Variants in NRXN1 observed in about 807,000 individuals in gnomAD.
NRXN1 encodes the protein neurexin-1.
NRXN1 carries 39 observed loss-of-function variants against 150.9 expected under a neutral mutation model. The ratio of observed to expected loss-of-function variants is 0.26; its 90% CI spans 0.20 to 0.34. The LOEUF is 0.34. NRXN1 is among the 10% of genes least tolerant of loss of function. The probability of loss-of-function intolerance (pLI) is 1.00; values close to 1 mark genes in which losing one functional copy is unlikely to be tolerated. For missense variants in NRXN1, 1,815 were observed against 1,949.9 expected (o/e 0.93, Z 1.30); for synonymous variants, 924 against 757.0 (o/e 1.22, Z -3.62).
chr2:50,550,519 C>T (rs1342016890), intron 9 of NRXN1, among the ~76,000 whole-genome samples: 2 of 151,444 alleles, frequency 1.3e-5, no homozygotes, highest in Non-Finnish European at 2.9e-5. Flanking sequence ...CCCATGCCCA[C>T]GCCACTTCAA....
Position 49,921,662 on chromosome 2 carries a change from C to T in NRXN1, c.*282G>A, listed in dbSNP as rs1668219746. Reference sequence around the variant, plus strand: ...TATGAATGCGTGCGGTCATCACTGTCTTTTAGAAATGTTCCAGCAACATAA... The same window carrying T: ...TATGAATGCGTGCGGTCATCACTGTTTTTTAGAAATGTTCCAGCAACATAA... On this transcript the variant is annotated 3_prime_UTR_variant, in exon 23 of 23. Transcript: ENST00000401669. 3 of 421,136 alleles carry T rather than the reference C, an allele frequency of 7.1e-6. No homozygotes were observed. The highest frequency in any genetic ancestry group is 1.3e-5 in the Non-Finnish European group (3 of 232,964). The allele number at this position is 421,136 out of a possible 1,614,324, so 26.1% of individuals were successfully genotyped here. A position where few individuals can be genotyped will look rare whatever the true frequency, so the allele number is the denominator to read the frequency against.
chr2:50,191,464 T>C (rs2061438544), intron 18 of NRXN1, among the ~76,000 whole-genome samples: 1 of 152,150 alleles, frequency 6.6e-6, no homozygotes, highest in Admixed American at 6.6e-5. Flanking sequence ...GTTTGTATAG[T>C]TATAGGTAGT....
intron 18 of NRXN1, among the ~76,000 whole-genome samples, chr2:50,206,040 G>C (rs1478714501): frequency 1.3e-5 from 2 of 151,948 alleles, no homozygotes; most frequent in Non-Finnish European, 2.9e-5. Context: ...TCATTAAATT[G>C]TACACATTGA....
chr2:50,465,738 T>A (rs2088765970), intron 16 of NRXN1, among the ~76,000 whole-genome samples, 177 bp from the exon 17 acceptor site: 1 of 151,912 alleles, frequency 6.6e-6, no homozygotes, highest in Non-Finnish European at 1.5e-5. Flanking sequence ...ATGAAGGTTT[T>A]CTTAAGTTTC....
intron 10 of NRXN1, among the ~76,000 whole-genome samples, chr2:50,531,728 T>A (rs1371465916): frequency 2.0e-5 from 3 of 152,140 alleles, no homozygotes. Flanking sequence ...TTTGAGTGTT[T>A]GATTATATGC....
At chr2:49,939,831 TC>T (rs1243312402) in intron 22 of NRXN1, among the ~76,000 whole-genome samples, 3 of 152,150 alleles carry the variant, frequency 2.0e-5, no homozygotes, top group South Asian at 4.1e-4. Context: ...CTATTTTTGC[TC>T]CCAGAGCTTA....
rs1035327627 is a variant in NRXN1, at chr2:50,111,974, A to G, written c.3547-20480T>C. Among the ~76,000 whole-genome samples, 7 of 152,128 alleles carry G rather than the reference A, an allele frequency of 4.6e-5. No homozygotes were observed. In the East Asian group the frequency reaches 5.8e-4, roughly 13 times the overall value. On this transcript the variant is annotated intron_variant, in intron 18 of 22. Transcript: ENST00000401669. Reference sequence around the variant, plus strand: ...TATAAAATGGGTACTCAACAGTGTAATATGTTTCTTAATTAGGGCACCACT... The same window carrying G: ...TATAAAATGGGTACTCAACAGTGTAGTATGTTTCTTAATTAGGGCACCACT...
At chr2:50,826,703 A>C (rs560575891) in intron 5 of NRXN1, among the ~76,000 whole-genome samples, 2 of 152,142 alleles carry the variant, frequency 1.3e-5, no homozygotes, top group Non-Finnish European at 2.9e-5. Context: ...TTGAGAAGAA[A>C]CTTCGGCAGA....
intron 18 of NRXN1, among the ~76,000 whole-genome samples, chr2:50,109,289 C>T (rs1702067705): frequency 6.6e-6 from 1 of 152,000 alleles, no homozygotes; most frequent in Non-Finnish European, 1.5e-5. Context: ...CTTTACTTTC[C>T]TCATTTAGTT....
intron 18 of NRXN1, among the ~76,000 whole-genome samples, chr2:50,232,400 T>G (rs1477471865): frequency 6.8e-6 from 1 of 147,970 alleles, no homozygotes; most frequent in African/African-American, 2.5e-5. Context: ...TTTTTTTTTT[T>G]TTTTTGAGAC....
At chr2:50,354,098 C>T (rs2078616020) in intron 17 of NRXN1, among the ~76,000 whole-genome samples, 1 of 152,124 alleles carries the variant, frequency 6.6e-6, no homozygotes, top group Non-Finnish European at 1.5e-5. Flanking sequence ...TAACTACAGG[C>T]AGATCAGTGT....
At chr2:50,748,817 T>C (rs978077873) in intron 5 of NRXN1, among the ~76,000 whole-genome samples, 3 of 152,130 alleles carry the variant, frequency 2.0e-5, no homozygotes, top group Non-Finnish European at 4.4e-5. Flanking sequence ...AAATCAGATA[T>C]ACAACTTTTC....
At chr2:50,445,721 C>A (rs1192145126) in intron 17 of NRXN1, among the ~76,000 whole-genome samples, 1 of 152,118 alleles carries the variant, frequency 6.6e-6, no homozygotes, top group African/African-American at 2.4e-5. Context: ...TAAGCAATGA[C>A]ATATGAAAGG....
intron 5 of NRXN1, among the ~76,000 whole-genome samples, chr2:50,889,058 A>C (rs1363426101): frequency 6.6e-6 from 1 of 151,754 alleles, no homozygotes; most frequent in African/African-American, 2.4e-5. Flanking sequence ...CACAGACAGC[A>C]TATTTTCATC....
chr2:50,106,602 A>T (rs1167993853), intron 18 of NRXN1, among the ~76,000 whole-genome samples: 1 of 152,002 alleles, frequency 6.6e-6, no homozygotes, highest in Non-Finnish European at 1.5e-5. Context: ...AACCTAGCAC[A>T]ATTTGGTTTG....
intron 21 of NRXN1, among the ~76,000 whole-genome samples, chr2:49,990,830 A>G (rs1266609419): frequency 6.6e-6 from 1 of 152,160 alleles, no homozygotes; most frequent in Non-Finnish European, 1.5e-5. Context: ...ACTATTAGCA[A>G]GCTTCAAAAG....
At chr2:50,781,663 T>C (rs140818437) in intron 5 of NRXN1, among the ~76,000 whole-genome samples, 21 of 152,360 alleles carry the variant, frequency 1.4e-4, no homozygotes, top group African/African-American at 4.6e-4. Context: ...ATATAAATAG[T>C]GACTTTTCAC....
chr2:50,731,506 A>C (rs1364578396), intron 5 of NRXN1, among the ~76,000 whole-genome samples: 3 of 152,192 alleles, frequency 2.0e-5, no homozygotes, highest in African/African-American at 7.2e-5. Context: ...AGGGATGGAG[A>C]GGTTGAGTTA....
intron 5 of NRXN1, chr2:50,739,259 C>T (rs1209021728): frequency 7.9e-6 from 4 of 506,926 alleles, no homozygotes; most frequent in Admixed American, 7.9e-5. Context: ...ATTAATGAGA[C>T]TTACTTTTTG....
Sources: allele counts gnomAD v4.1 joint callset (sites outside exome capture counted in the v4.1 genomes callset), GRCh38; gene constraint gnomAD v4.1.1; transcripts MANE v1.5; gene names NCBI Gene and HGNC (gene_info 2026-07-23, HGNC 2026-07-21).